DNAH3: variants seen among roughly 807,000 people sequenced by gnomAD.
The protein encoded by DNAH3 is axonemal beta dynein heavy chain 3.
A neutral mutation model predicts 432.5 loss-of-function variants in DNAH3; 332 were observed. That is an observed-to-expected ratio of 0.77 (90% CI 0.70 to 0.84). The LOEUF is 0.84. Ranked by LOEUF, DNAH3 falls within the 40% of genes least tolerant of loss-of-function variation. The pLI, the probability that DNAH3 is intolerant of heterozygous loss-of-function variation, is 0.00. For missense variants in DNAH3, 4,861 were observed against 5,114.0 expected (o/e 0.95, Z 1.51); for synonymous variants, 1,956 against 1,900.2 (o/e 1.03, Z -0.76).
chr16:21,057,417 T>C (rs2090174093), intron 27 of DNAH3, among the ~76,000 whole-genome samples: 1 of 152,210 alleles, frequency 6.6e-6, no homozygotes, highest in Non-Finnish European at 1.5e-5. Context: ...CCGAATCATT[T>C]ACTGGCATCT....
exon 29 of DNAH3, chr16:21,051,741 G>A (rs769658539): frequency 1.2e-6 from 2 of 1,614,036 alleles, no homozygotes; most frequent in East Asian, 4.5e-5. Context: ...AGCCATACAA[G>A]GCTTCTGTGG....
At chr16:21,049,841 C>A (rs896485625) in intron 30 of DNAH3, 69 bp downstream of exon 30, 2 of 1,413,508 alleles carry the variant, frequency 1.4e-6, no homozygotes, top group South Asian at 1.2e-5. Flanking sequence ...AAAGTTGATG[C>A]CTACTTCCCA....
intron 29 of DNAH3, 45 bp downstream of exon 29, chr16:21,051,625 G>A (rs2089958423): frequency 6.3e-7 from 1 of 1,590,852 alleles, no homozygotes; most frequent in African/African-American, 1.3e-5. Context: ...TTCTTCCCCT[G>A]GAGTTCTCCG....
At chr16:21,131,409 C>A (rs2092554241) in intron 7 of DNAH3, among the ~76,000 whole-genome samples, 1 of 124,092 alleles carries the variant, frequency 8.1e-6, no homozygotes, top group African/African-American at 3.1e-5. Flanking sequence ...CAAACAGGGT[C>A]AAAGAGAAAG....
rs9302391 is a variant in DNAH3 at position 21,139,320 on chromosome 16, C to CTTTTT, written c.696+1211_696+1215dup. Among the ~76,000 whole-genome samples the CTTTTT allele has an allele frequency of 6.5e-3, 192 of 29,628 alleles. 53 individuals are homozygous for CTTTTT. Among genetic ancestry groups the CTTTTT allele is most frequent in the African/African-American group, 0.012 (76 of 6,110 alleles). The allele number at this position is 29,628 out of a possible 152,430, so 19.4% of individuals were successfully genotyped here. On this transcript the variant is annotated intron_variant, in intron 5 of 61. Coordinates refer to ENST00000261383, the Ensembl canonical transcript of DNAH3. Reference sequence around the variant, plus strand: ...AATGTAGCTTGAGACTTTCCTCATGCTTTTTTTTTTTTTTTTTTTTTTTTT... The same window carrying CTTTTT: ...AATGTAGCTTGAGACTTTCCTCATGCTTTTTTTTTTTTTTTTTTTTTTTTTTTTTT...
intron 14 of DNAH3, among the ~76,000 whole-genome samples, chr16:21,110,368 T>C (rs1359012351): frequency 1.3e-5 from 2 of 152,186 alleles, no homozygotes; most frequent in African/African-American, 2.4e-5. Context: ...CAACCTCACA[T>C]GGGCCAGGAC....
intron 58 of DNAH3, 83 bp downstream of exon 58, chr16:20,944,413 G>T (rs904842505): frequency 2.2e-5 from 34 of 1,511,904 alleles, no homozygotes; most frequent in Non-Finnish European, 3.1e-5. Flanking sequence ...TCTGCCTCTT[G>T]GTCACCCTCC....
At chr16:21,052,851 G>C (rs1449023042) in intron 28 of DNAH3, among the ~76,000 whole-genome samples, 1 of 152,164 alleles carries the variant, frequency 6.6e-6, no homozygotes, top group Non-Finnish European at 1.5e-5. Flanking sequence ...AATCAGCGTG[G>C]CCTTATATAG....
At chr16:21,009,958 G>A (rs2152700929) in intron 41 of DNAH3, among the ~76,000 whole-genome samples, 1 of 141,894 alleles carries the variant, frequency 7.0e-6, no homozygotes, top group South Asian at 2.5e-4. Context: ...AGGAAGGGAA[G>A]GGAAGAGGAG....
intron 58 of DNAH3, 135 bp from the exon 59 acceptor site, chr16:20,941,678 G>T: frequency 9.2e-7 from 1 of 1,082,694 alleles, no homozygotes; most frequent in Non-Finnish European, 1.3e-6. Flanking sequence ...TCCAACAGAA[G>T]CCATTTCTGC....
At chr16:20,995,399 G>A (rs1186346527) in intron 44 of DNAH3, among the ~76,000 whole-genome samples, 2 of 151,880 alleles carry the variant, frequency 1.3e-5, no homozygotes, top group Non-Finnish European at 2.9e-5. Flanking sequence ...CCGGGTAGCT[G>A]GGATAACAGG....
chr16:21,133,180 C>T (rs756622093), intron 7 of DNAH3, among the ~76,000 whole-genome samples: 5 of 151,488 alleles, frequency 3.3e-5, no homozygotes, highest in South Asian at 2.1e-4. Flanking sequence ...GGTGAAACTC[C>T]GTCTCTATCA....
chr16:21,106,176 C>CCAAAAAAAAAAAAAAAAAAAAAAAA (rs1567800597), intron 15 of DNAH3, among the ~76,000 whole-genome samples: 1 of 99,516 alleles, frequency 1.0e-5, no homozygotes, highest in Non-Finnish European at 2.0e-5. Context: ...GAGACTCCAT[C>CCAAAAAAAAAAAAAAAAAAAAAAAA]TAAAAAAAAA....
At chr16:21,090,617 T>C (rs1382749053) in intron 18 of DNAH3, among the ~76,000 whole-genome samples, 1 of 152,190 alleles carries the variant, frequency 6.6e-6, no homozygotes, top group Non-Finnish European at 1.5e-5. Context: ...GAGGACATTA[T>C]GCTAAGTGAA....
intron 24 of DNAH3, among the ~76,000 whole-genome samples, chr16:21,065,012 G>A (rs2090495358): frequency 6.6e-6 from 1 of 151,438 alleles, no homozygotes. Context: ...TGTATCTTTG[G>A]GCAAATCATT....
chr16:21,068,856 G>A (rs2090671405), intron 23 of DNAH3, among the ~76,000 whole-genome samples: 1 of 151,608 alleles, frequency 6.6e-6, no homozygotes, highest in Non-Finnish European at 1.5e-5. Flanking sequence ...ACTGCCTATA[G>A]TTACTGCTTG....
chr16:21,076,991 C>T (rs2090997908), intron 20 of DNAH3, among the ~76,000 whole-genome samples: 2 of 152,126 alleles, frequency 1.3e-5, no homozygotes, highest in African/African-American at 4.8e-5. Context: ...GACTCCCCAG[C>T]CCTGCCCCAT....
At chr16:20,960,127 TAGAATACTGC>T (rs1186841017) in intron 53 of DNAH3, among the ~76,000 whole-genome samples, 2 of 152,216 alleles carry the variant, frequency 1.3e-5, no homozygotes, top group Admixed American at 1.3e-4. Context: ...ATATGAATTG[TAGAATACTGC>T]ATTTTTTTCC....
chr16:20,964,349 G>A (rs1194099478), exon 53 of DNAH3: 2 of 1,614,070 alleles, frequency 1.2e-6, no homozygotes, highest in Non-Finnish European at 1.7e-6. Context: ...AGGTAATGTG[G>A]ATTCCTCAAA....
Sources: allele counts gnomAD v4.1 joint callset (sites outside exome capture counted in the v4.1 genomes callset), GRCh38; gene constraint gnomAD v4.1.1; transcripts MANE v1.5; gene names NCBI Gene and HGNC (gene_info 2026-07-23, HGNC 2026-07-21).